MAGI1: variants seen among roughly 807,000 people sequenced by gnomAD.
The protein encoded by MAGI1 is membrane-associated guanylate kinase, WW and PDZ domain-containing protein 1.
MAGI1 carries 58 observed loss-of-function variants against 139.9 expected under a neutral mutation model. That is an observed-to-expected ratio of 0.41 (90% confidence interval 0.34 to 0.52). The LOEUF is 0.52. Among genes scored for constraint, MAGI1 ranks in the 20% least tolerant of loss-of-function variants. MAGI1 has a pLI of 0.12. For missense variants in MAGI1, 1,874 were observed against 1,901.6 expected (o/e 0.99, Z 0.27); for synonymous variants, 812 against 737.9 (o/e 1.10, Z -1.63).
chr3:65,500,899 A>G (rs753275594), intron 2 of MAGI1, among the ~76,000 whole-genome samples: 29 of 152,192 alleles, frequency 1.9e-4, no homozygotes, highest in Non-Finnish European at 3.5e-4. Context: ...ACAGATCATC[A>G]TTTTCCTATT....
At chr3:65,474,306 T>C (rs1950732169) in intron 4 of MAGI1, among the ~76,000 whole-genome samples, 1 of 152,032 alleles carries the variant, frequency 6.6e-6, no homozygotes, top group Non-Finnish European at 1.5e-5. Flanking sequence ...ACCAAAGATT[T>C]AGGAGCACAG....
intron 12 of MAGI1, among the ~76,000 whole-genome samples, chr3:65,420,595 G>T (rs1478297047): frequency 6.6e-6 from 1 of 152,034 alleles, no homozygotes; most frequent in Non-Finnish European, 1.5e-5. Context: ...TGACAGGCAC[G>T]TGATGTTAAT....
intron 1 of MAGI1, among the ~76,000 whole-genome samples, chr3:65,887,171 T>C (rs2060568256): frequency 6.6e-6 from 1 of 152,106 alleles, no homozygotes; most frequent in Non-Finnish European, 1.5e-5. Flanking sequence ...TTTTTATCTG[T>C]ATAGAAAAAT....
Position 65,391,222 on chromosome 3 carries a change from T to C in MAGI1, c.2336A>G (p.Asp779Gly), listed in dbSNP as rs572527250. 7 of 1,614,180 alleles carry C rather than the reference T, an allele frequency of 4.3e-6. No individual in the cohort carries two copies. The Admixed American group carries it at 6.7e-5, about 15-fold the overall frequency. Residue 779 changes from aspartate (D) to glycine (G), a missense_variant, in exon 14 of 23, where the codon GAT (aspartate) becomes GGT (glycine). By Grantham distance (94) the Asp-to-Gly change is moderately conservative. This residue lies in a region of MAGI1 where 482 missense variants were observed against 509.6 expected (regional missense o/e 0.95). Coordinates refer to ENST00000402939, the MANE Select transcript of MAGI1 (RefSeq NM_001033057.2). ...TTTCTGGCCAGAGCTGTCAGTTTGATCTGGAGCTTGGGCCTCTGCAGGTGG... is the reference window on the plus strand; with the variant it reads ...TTTCTGGCCAGAGCTGTCAGTTTGACCTGGAGCTTGGGCCTCTGCAGGTGG... ...EFPPAEAQAP[D>G]QTDSSGQKKP...
intron 3 of MAGI1, among the ~76,000 whole-genome samples, chr3:65,491,165 A>G (rs1952006536): frequency 6.6e-6 from 1 of 152,132 alleles, no homozygotes; most frequent in Non-Finnish European, 1.5e-5. Context: ...TTTTTAGGAA[A>G]GAGTGTAGGA....
At chr3:65,942,258 T>C (rs1297384442) in intron 1 of MAGI1, among the ~76,000 whole-genome samples, 1 of 151,178 alleles carries the variant, frequency 6.6e-6, no homozygotes, top group Non-Finnish European at 1.5e-5. Flanking sequence ...AAAGGAGAAA[T>C]CCTGACATTA....
At chr3:65,921,466 G>T (rs1427571836) in intron 1 of MAGI1, among the ~76,000 whole-genome samples, 1 of 151,796 alleles carries the variant, frequency 6.6e-6, no homozygotes, top group African/African-American at 2.4e-5. Context: ...GCGCCACCAG[G>T]CCTGGCTAAT....
At chr3:65,882,986 G>C (rs866401388) in intron 1 of MAGI1, among the ~76,000 whole-genome samples, 1 of 150,482 alleles carries the variant, frequency 6.6e-6, no homozygotes, top group Non-Finnish European at 1.5e-5. Flanking sequence ...GAAAAGGGAA[G>C]AGAAAGGACA....
chr3:65,591,441 T>C (rs1360556901), intron 2 of MAGI1, among the ~76,000 whole-genome samples: 1 of 152,154 alleles, frequency 6.6e-6, no homozygotes, highest in Admixed American at 6.5e-5. Flanking sequence ...ATTACTCTGG[T>C]CTGGCCACTA....
At chr3:65,704,269 A>T (rs1182475603) in intron 1 of MAGI1, among the ~76,000 whole-genome samples, 2 of 152,158 alleles carry the variant, frequency 1.3e-5, no homozygotes, top group East Asian at 1.9e-4. Context: ...TCCTTAGGAG[A>T]CACCTCATTT....
intron 21 of MAGI1, among the ~76,000 whole-genome samples, chr3:65,362,280 G>A (rs1232884862): frequency 6.6e-6 from 1 of 152,072 alleles, no homozygotes; most frequent in Non-Finnish European, 1.5e-5. Flanking sequence ...ATACAAAGTA[G>A]CATAATAATA....
At chr3:65,854,854 G>A (rs1246677215) in intron 1 of MAGI1, among the ~76,000 whole-genome samples, 1 of 152,196 alleles carries the variant, frequency 6.6e-6, no homozygotes, top group South Asian at 2.1e-4. Context: ...ACCAAAGGGA[G>A]AAGTCCACAG....
At chr3:65,957,434 T>C (rs1002090284) in intron 1 of MAGI1, among the ~76,000 whole-genome samples, 8 of 145,420 alleles carry the variant, frequency 5.5e-5, no homozygotes, top group African/African-American at 2.1e-4. Context: ...GGTGGGAAGA[T>C]CGCTTGAGCC....
intron 1 of MAGI1, among the ~76,000 whole-genome samples, chr3:65,628,134 G>T (rs1176992831): frequency 6.6e-6 from 1 of 151,762 alleles, no homozygotes; most frequent in African/African-American, 2.4e-5. Context: ...AGATATCTTT[G>T]ATTTATCTTA....
At chr3:66,023,315 T>G (rs1560120541) in intron 1 of MAGI1, among the ~76,000 whole-genome samples, 1 of 152,196 alleles carries the variant, frequency 6.6e-6, no homozygotes, top group Non-Finnish European at 1.5e-5. Flanking sequence ...ATTTTAACCC[T>G]GCATTGGACT....
chr3:65,825,817 G>A (rs538677455), intron 1 of MAGI1, among the ~76,000 whole-genome samples: 45 of 152,032 alleles, frequency 3.0e-4, no homozygotes, highest in African/African-American at 1.0e-3. Flanking sequence ...GTGAAACCCC[G>A]TCTCCACTAA....
At chr3:65,693,127 T>A (rs1440001647) in intron 1 of MAGI1, among the ~76,000 whole-genome samples, 1 of 152,134 alleles carries the variant, frequency 6.6e-6, no homozygotes. Context: ...AAAATTTTTA[T>A]ACAGATGGGG....
At chr3:65,634,712 G>T (rs146010152) in intron 1 of MAGI1, among the ~76,000 whole-genome samples, 6 of 152,306 alleles carry the variant, frequency 3.9e-5, no homozygotes, top group Non-Finnish European at 7.4e-5. Flanking sequence ...GTGTAAGCTT[G>T]ATTAGATCTG....
rs138029573 is a variant in MAGI1, at chr3:65,414,614, C to T, written c.2168-13144G>A. Reference sequence around the variant, plus strand: ...CTAGAGCAGTGATTCCTGGATTTTACATTTCATAAGCCAGCAGATTTTGAA... The same window carrying T: ...CTAGAGCAGTGATTCCTGGATTTTATATTTCATAAGCCAGCAGATTTTGAA... On this transcript the variant is annotated intron_variant, in intron 12 of 22. Transcript: ENST00000402939. Among the ~76,000 whole-genome samples the T allele has an allele frequency of 5.1e-3, 783 of 152,284 alleles. 4 individuals carry two copies. The highest frequency in any genetic ancestry group is 0.018 in the African/African-American group (750 of 41,544).
Sources: gnomAD v4.1 joint callset for allele counts (sites outside exome capture counted in the v4.1 genomes callset) on GRCh38, gnomAD v4.1.1 for gene constraint, gnomAD v4.1.1 regional missense constraint, MANE v1.5 for transcripts, NCBI Gene and HGNC (gene_info 2026-07-23, HGNC 2026-07-21) for gene names.